Variants in PRMT8 observed in about 807,000 individuals in gnomAD.
The protein encoded by PRMT8 is protein arginine N-methyltransferase 8.
In PRMT8, 7 loss-of-function variants were observed where a neutral mutation model predicts 47.1. The observed-to-expected ratio is 0.15, with a 90% CI of 0.08 to 0.28. The LOEUF (loss-of-function observed/expected upper bound fraction) is 0.28, where lower values mean the gene tolerates loss of function less well. Ranked by LOEUF, PRMT8 falls within the 10% of genes least tolerant of loss-of-function variation. The pLI, the probability that PRMT8 is intolerant of heterozygous loss-of-function variation, is 1.00. For synonymous variants in PRMT8, 188 were observed against 186.5 expected, an observed-to-expected ratio of 1.01 and a Z score of -0.07; for missense variants, 237 against 505.4, an observed-to-expected ratio of 0.47 and a Z score of 5.09.
chr12:3,488,379 A>C (rs1865341747), upstream of PRMT8, among the ~76,000 whole-genome samples: 1 of 152,242 alleles, frequency 6.6e-6, no homozygotes, highest in African/African-American at 2.4e-5. Context: ...GTATAAGAAA[A>C]ATTACATAAA....
chr12:3,452,805 C>T (rs1864934366), intron 1 of PRMT8, among the ~76,000 whole-genome samples: 1 of 152,170 alleles, frequency 6.6e-6, no homozygotes, highest in Non-Finnish European at 1.5e-5. Context: ...GGTAAAGCCA[C>T]AGCTTAGGTC....
intron 1 of PRMT8, among the ~76,000 whole-genome samples, chr12:3,431,479 G>A (rs1055706010): frequency 2.0e-5 from 3 of 152,160 alleles, no homozygotes; most frequent in African/African-American, 7.2e-5. Flanking sequence ...TGGGAGGTCA[G>A]GATCAAGGAG....
intron 1 of PRMT8, among the ~76,000 whole-genome samples, chr12:3,415,763 A>G (rs1460406755): frequency 6.6e-6 from 1 of 152,166 alleles, no homozygotes; most frequent in Non-Finnish European, 1.5e-5. Flanking sequence ...CAAACCCCTC[A>G]CTGTCGTTGT....
intron 1 of PRMT8, among the ~76,000 whole-genome samples, chr12:3,417,511 G>T (rs533694474): frequency 1.3e-5 from 2 of 152,246 alleles, no homozygotes; most frequent in Non-Finnish European, 2.9e-5. Context: ...GGCATCCAAA[G>T]CATCTCATGT....
intron 8 of PRMT8, among the ~76,000 whole-genome samples, chr12:3,591,285 C>G (rs1295345395): frequency 6.6e-6 from 1 of 151,946 alleles, no homozygotes; most frequent in East Asian, 1.9e-4. Context: ...GGCTGTGGAA[C>G]AAGAACCATC....
At chr12:3,442,757 C>T (rs1285645445) in intron 1 of PRMT8, among the ~76,000 whole-genome samples, 2 of 152,194 alleles carry the variant, frequency 1.3e-5, no homozygotes, top group Non-Finnish European at 2.9e-5. Flanking sequence ...CTCCCGGATT[C>T]AAGTGATTCT....
intron 8 of PRMT8, among the ~76,000 whole-genome samples, chr12:3,585,995 C>T (rs1867163701): frequency 6.6e-6 from 1 of 152,090 alleles, no homozygotes; most frequent in Non-Finnish European, 1.5e-5. Context: ...TGATGTCTAA[C>T]CCAGAGCCTG....
chr12:3,498,130 T>C (rs1865536693), intron 1 of PRMT8, among the ~76,000 whole-genome samples: 1 of 152,234 alleles, frequency 6.6e-6, no homozygotes, highest in South Asian at 2.1e-4. Flanking sequence ...AAATGCTCGC[T>C]TATTACATTG....
chr12:3,458,629 A>T (rs1865001922), intron 1 of PRMT8, among the ~76,000 whole-genome samples: 1 of 152,224 alleles, frequency 6.6e-6, no homozygotes, highest in Admixed American at 6.5e-5. Flanking sequence ...TTACCACAGT[A>T]TATCTGTCCT....
intron 1 of PRMT8, among the ~76,000 whole-genome samples, chr12:3,395,781 C>A (rs1864242805): frequency 6.6e-6 from 1 of 151,272 alleles, no homozygotes; most frequent in Admixed American, 6.6e-5. Context: ...GACTTTCTGT[C>A]TCGTTGATCT....
chr12:3,579,871 G>C (rs1474209897), intron 7 of PRMT8, among the ~76,000 whole-genome samples: 1 of 152,168 alleles, frequency 6.6e-6, no homozygotes, highest in Non-Finnish European at 1.5e-5. Flanking sequence ...TTATGCTGGT[G>C]AAGCCCTCTG....
chr12:3,483,631 T>C (rs1216655738), intron 1 of PRMT8, among the ~76,000 whole-genome samples: 2 of 152,200 alleles, frequency 1.3e-5, no homozygotes, highest in African/African-American at 4.8e-5. Context: ...CCTGGCCCCC[T>C]GCTTTAAGGA....
At chr12:3,450,822 G>C (rs74057422) in intron 1 of PRMT8, among the ~76,000 whole-genome samples, 1 of 152,094 alleles carries the variant, frequency 6.6e-6, no homozygotes, top group Non-Finnish European at 1.5e-5. Context: ...TTTCATCAAG[G>C]ACATTTCCAA....
chr12:3,523,454 A>G (rs1270147763), intron 1 of PRMT8, among the ~76,000 whole-genome samples: 2 of 152,146 alleles, frequency 1.3e-5, no homozygotes, highest in Non-Finnish European at 2.9e-5. Context: ...CTCCACCCCA[A>G]GCCCACCCAG....
chr12:3,587,306 TACTA>T (rs937533416), intron 8 of PRMT8, among the ~76,000 whole-genome samples: 1 of 150,172 alleles, frequency 6.7e-6, no homozygotes, highest in Non-Finnish European at 1.5e-5. Context: ...AATTAATAAA[TACTA>T]ACAAAATAAA....
intron 8 of PRMT8, among the ~76,000 whole-genome samples, chr12:3,585,502 G>T (rs1305763330): frequency 6.6e-6 from 1 of 151,020 alleles, no homozygotes; most frequent in Non-Finnish European, 1.5e-5. Flanking sequence ...GGGACTACAG[G>T]CACATGCCAC....
At chr12:3,382,596 TTATG>T (rs1442841965) in intron 1 of PRMT8, among the ~76,000 whole-genome samples, 1 of 152,234 alleles carries the variant, frequency 6.6e-6, no homozygotes. Context: ...TTAAGAGTTC[TTATG>T]TATTATAAAT....
At chr12:3,539,067 G>A (rs919825044) in intron 1 of PRMT8, among the ~76,000 whole-genome samples, 3 of 152,238 alleles carry the variant, frequency 2.0e-5, no homozygotes, top group African/African-American at 7.2e-5. Flanking sequence ...CTGTGTCCTA[G>A]GATTCCCCTG....
At chr12:3,524,469 GA>G (rs1037086854) in intron 1 of PRMT8, among the ~76,000 whole-genome samples, 15 of 150,942 alleles carry the variant, frequency 9.9e-5, no homozygotes, top group African/African-American at 3.7e-4. Flanking sequence ...GCCCTCACCC[GA>G]ACCAAAGAAG....
Sources: gnomAD v4.1 joint callset for allele counts (sites outside exome capture counted in the v4.1 genomes callset) on GRCh38, gnomAD v4.1.1 for gene constraint, MANE v1.5 for transcripts, NCBI Gene and HGNC (gene_info 2026-07-23, HGNC 2026-07-21) for gene names.